PDCD2: variants seen among roughly 807,000 people sequenced by gnomAD.
The protein encoded by PDCD2 is programmed cell death 2.
A neutral mutation model predicts 38.1 loss-of-function variants in PDCD2; 38 were observed. The observed-to-expected ratio is 1.00, with a 90% CI of 0.77 to 1.31. PDCD2 has a LOEUF of 1.31. Ranked by LOEUF, PDCD2 falls within the 50% of genes most tolerant of loss-of-function variation. PDCD2 has a pLI of 0.00. For synonymous variants in PDCD2, 205 were observed against 168.9 expected, an observed-to-expected ratio of 1.21 and a Z score of -1.66; for missense variants, 473 against 435.7, an observed-to-expected ratio of 1.09 and a Z score of -0.76.
rs1452537148 is a variant in PDCD2, at chr6:170,576,746, AC to A, written c.*812del. The A allele has an allele frequency of 6.6e-6, 1 of 152,214 alleles. No homozygotes were observed. Among genetic ancestry groups the A allele is most frequent in the Non-Finnish European group, 1.5e-5 (1 of 68,040 alleles). The allele number at this position is 152,214 out of a possible 1,614,324, so 9.4% of individuals were successfully genotyped here. On this transcript the variant is annotated 3_prime_UTR_variant, in exon 6 of 6. Transcript: ENST00000541970. Reference sequence around the variant, plus strand: ...ATAACCCTTGTATGTGCGATAGGGAACCTGTATACAATGCTGACACGGAAAG... The same window carrying A: ...ATAACCCTTGTATGTGCGATAGGGAACTGTATACAATGCTGACACGGAAAG...
chr6:170,579,797 G>T lies in PDCD2; in HGVS notation c.762+205C>A, dbSNP rs754039546. On this transcript the variant is annotated intron_variant, in intron 4 of 5. Transcript: ENST00000541970. The stretch of plus-strand genomic sequence containing the variant: ...AAACAGTATAACCTTTAGTCTTTTA[G>T]TAACTATTAAATGGATCAGCACTGC... 1.1e-5 allele frequency: 5 copies of T among 461,622 alleles called. No homozygotes were observed. In the East Asian group the frequency reaches 1.7e-4, roughly 15 times the overall value. The allele number at this position is 461,622 out of a possible 1,614,324, so 28.6% of individuals were successfully genotyped here.
intron 3 of PDCD2, 103 bp downstream of exon 3, chr6:170,582,954 A>G: frequency 6.6e-7 from 1 of 1,515,806 alleles, no homozygotes; most frequent in East Asian, 2.3e-5. Context: ...TACAGCCTCC[A>G]AAGTGAGTCT....
In PDCD2 at chr6:170,578,846, TAAGGTCATACCTGG is replaced by T. The variant is rs953126681; in HGVS notation, c.873_876+10del. Reference sequence around the variant, plus strand: ...GATTACACACTAAATGGTCCTTATTTAAGGTCATACCTGGAATTCCAATATTCTCTTGGCACCAC... The same window carrying T: ...GATTACACACTAAATGGTCCTTATTTAATTCCAATATTCTCTTGGCACCAC... On this transcript the variant is annotated splice_donor_variant and splice_donor_5th_base_variant and coding_sequence_variant and intron_variant, in exon 5 of 6. Transcript: ENST00000541970. LOFTEE classifies it high-confidence loss of function. 1 of 1,481,084 alleles carries T rather than the reference TAAGGTCATACCTGG, an allele frequency of 6.8e-7. No individual in the cohort carries two copies. The highest frequency in any genetic ancestry group is 1.4e-5 in the African/African-American group (1 of 72,234). The allele number at this position is 1,481,084 out of a possible 1,614,324, so 91.7% of individuals were successfully genotyped here. A position where few individuals can be genotyped will look rare whatever the true frequency, so the allele number is the denominator to read the frequency against.
rs1045307422 is a variant in PDCD2, at chr6:170,582,373, T to C, written c.658+684A>G. 3.8e-5 allele frequency: 58 copies of C among 1,523,620 alleles called. No homozygotes were observed. In the African/African-American group the frequency reaches 7.2e-4, roughly 19 times the overall value. The allele number at this position is 1,523,620 out of a possible 1,614,324, so 94.4% of individuals were successfully genotyped here. A position where few individuals can be genotyped will look rare whatever the true frequency, so the allele number is the denominator to read the frequency against. On this transcript the variant is annotated intron_variant, in intron 3 of 5. Transcript: ENST00000541970. ...TAAGCTGATGTTTTCATTTTGAGTC[T>C]ATAAATCTAATTTTGTGGTGGTTTT...
chr6:170,582,052 T>G (rs1051779161), intron 3 of PDCD2: 208 of 1,450,864 alleles, frequency 1.4e-4, no homozygotes, highest in Non-Finnish European at 1.7e-4. Context: ...CTCCTAAAGA[T>G]AAGCATTTTC....
intron 5 of PDCD2, among the ~76,000 whole-genome samples, chr6:170,578,253 T>C (rs181714899): frequency 6.6e-6 from 1 of 152,268 alleles, no homozygotes; most frequent in Non-Finnish European, 1.5e-5. Flanking sequence ...AAGCAGAGTT[T>C]TGTGTATGGT....
chr6:170,578,273 T>G (rs1443242548), intron 5 of PDCD2, among the ~76,000 whole-genome samples: 2 of 152,188 alleles, frequency 1.3e-5, no homozygotes, highest in Non-Finnish European at 2.9e-5. Flanking sequence ...TCCTCATAAT[T>G]CCTTTTTTAC....
intron 1 of PDCD2, 193 bp downstream of exon 1, chr6:170,584,106 T>C: frequency 1.8e-6 from 1 of 559,776 alleles, no homozygotes; most frequent in Non-Finnish European, 2.8e-6. Context: ...TGGGCACAGT[T>C]AGAAGCTTAT....
intron 3 of PDCD2, 143 bp from the exon 4 acceptor site, chr6:170,580,248 G>A (rs1779556889): frequency 1.6e-6 from 1 of 613,172 alleles, no homozygotes; most frequent in Non-Finnish European, 2.9e-6. Context: ...GAATTTCCAG[G>A]TACTCCATCC....
In PDCD2 at chr6:170,584,348, G is replaced by T; in HGVS notation, c.234C>A (p.Cys78Ter). Residue 78 changes from cysteine (C) to a stop codon, truncating the protein, a stop_gained, in exon 1 of 6, where the codon TGC becomes TGA. Coordinates refer to ENST00000541970, the MANE Select transcript of PDCD2 (RefSeq NM_002598.4). LOFTEE classifies it high-confidence loss of function. ...GCTCGCGGCAGCAGAAGAGGAAGAT[G>T]CAGCGGTGGAAGGCGTCCGGGCGGC... is the stretch of plus-strand genomic sequence containing the variant. ...LPGRPDAFHR[C>*]IFLFCCREQP... 6.7e-7 allele frequency: 1 copy of T among 1,500,288 alleles called. No homozygotes were observed. The allele number at this position is 1,500,288 out of a possible 1,614,324, so 92.9% of individuals were successfully genotyped here. A position where few individuals can be genotyped will look rare whatever the true frequency, so the allele number is the denominator to read the frequency against.
chr6:170,582,128 G>A (rs1200570687), intron 3 of PDCD2: 1 of 1,533,032 alleles, frequency 6.5e-7, no homozygotes, highest in African/African-American at 1.4e-5. Flanking sequence ...AGTCTTCAGT[G>A]ATGTCACGTG....
At position 170,584,578 on chromosome 6, in the gene PDCD2, C is replaced by A; in HGVS notation, c.4G>T (p.Ala2Ser). Residue 2 changes from alanine to serine, a missense_variant, in exon 1 of 6, where the codon GCT becomes TCT. Ala to Ser is a moderately conservative substitution (Grantham distance 99). Coordinates refer to ENST00000541970, the MANE Select transcript of PDCD2 (RefSeq NM_002598.4). M[A>S]AAGARPVELG... ...TCCACAGGCCTGGCCCCGGCGGCAGCCATGCGGGGCGCGGGCTGGCGTGGG... is the reference window on the plus strand; with the variant it reads ...TCCACAGGCCTGGCCCCGGCGGCAGACATGCGGGGCGCGGGCTGGCGTGGG... 1 of 1,268,374 alleles carries A rather than the reference C, an allele frequency of 7.9e-7. No homozygotes were observed. Among genetic ancestry groups the A allele is most frequent in the Non-Finnish European group, 9.9e-7 (1 of 1,009,570 alleles). The allele number at this position is 1,268,374 out of a possible 1,614,324, so 78.6% of individuals were successfully genotyped here. A position where few individuals can be genotyped will look rare whatever the true frequency, so the allele number is the denominator to read the frequency against.
At position 170,575,768 on chromosome 6, in the gene PDCD2, C is replaced by G. The variant is rs185386167; in HGVS notation, c.*1791G>C. ...AGGCCCTGTAAACTGTTACGATCAT[C>G]TCCAGAGGTTAACTGGAATATACAC... On this transcript the variant is annotated 3_prime_UTR_variant, in exon 6 of 6. Transcript: ENST00000541970. 1.4e-3 allele frequency: 214 copies of G among 152,286 alleles called. 2 individuals carry two copies. Among genetic ancestry groups the G allele is most frequent in the African/African-American group, 4.8e-3 (200 of 41,548 alleles). The allele number at this position is 152,286 out of a possible 1,614,324, so 9.4% of individuals were successfully genotyped here. A position where few individuals can be genotyped will look rare whatever the true frequency, so the allele number is the denominator to read the frequency against.
In PDCD2 at chr6:170,584,535, G is replaced by C; in HGVS notation, c.47C>G (p.Ser16Trp). The C allele has an allele frequency of 7.3e-7, 1 of 1,362,938 alleles. No homozygotes were observed. The highest frequency in any genetic ancestry group is 9.4e-7 in the Non-Finnish European group (1 of 1,059,962). 84.4% of individuals were successfully genotyped at this position (1,362,938 alleles called of 1,614,324 possible). Residue 16 changes from serine to tryptophan, a missense_variant, in exon 1 of 6, where the codon TCG (serine) becomes TGG (tryptophan). Coordinates refer to ENST00000541970, the MANE Select transcript of PDCD2 (RefSeq NM_002598.4). ...GCTGCGCAGTCGCCACGCCGGCGCC[G>C]ACTCGGCGAAGCCCAGCTCCACAGG... ...ARPVELGFAE[S>W]APAWRLRSEQ...
At chr6:170,581,910 G>T in intron 3 of PDCD2, 1 of 369,882 alleles carries the variant, frequency 2.7e-6, no homozygotes, top group Non-Finnish European at 5.0e-6. Flanking sequence ...GATGATTAGG[G>T]ACTGCTTTTT....
chr6:170,583,897 G>A (rs938263402), intron 1 of PDCD2, 150 bp from the exon 2 acceptor site: 1 of 706,994 alleles, frequency 1.4e-6, no homozygotes, highest in Admixed American at 3.0e-5. Flanking sequence ...CCAGAAACTA[G>A]ATTTCGTCCG....
At chr6:170,584,130 G>T in intron 1 of PDCD2, 169 bp downstream of exon 1, 1 of 698,230 alleles carries the variant, frequency 1.4e-6, no homozygotes, top group Non-Finnish European at 2.1e-6. Flanking sequence ...GCAAAAATGA[G>T]CACATCCTGG....
chr6:170,579,877 A>G, intron 4 of PDCD2, 125 bp downstream of exon 4: 1 of 623,942 alleles, frequency 1.6e-6, no homozygotes, highest in Non-Finnish European at 2.8e-6. Context: ...ACAAGATAAC[A>G]AAAGCCTGCT....
chr6:170,578,375 A>G, intron 5 of PDCD2: 1 of 478,934 alleles, frequency 2.1e-6, no homozygotes. Flanking sequence ...ATGGATTTTG[A>G]TGCTAACAAA....
Sources: gnomAD v4.1 joint callset for allele counts (sites outside exome capture counted in the v4.1 genomes callset) on GRCh38, gnomAD v4.1.1 for gene constraint, MANE v1.5 for transcripts, NCBI Gene and HGNC (gene_info 2026-07-23, HGNC 2026-07-21) for gene names.